Variants in THADA observed in about 807,000 individuals in gnomAD.
THADA encodes the protein THADA armadillo repeat containing, also known as tRNA (32-2'-O)-methyltransferase regulator THADA.
Under a neutral mutation model 219.8 loss-of-function variants are expected in THADA, and 213 were observed. The observed-to-expected ratio is 0.97, with a 90% CI of 0.87 to 1.09. The LOEUF (loss-of-function observed/expected upper bound fraction) is 1.09, where lower values mean the gene tolerates loss of function less well. THADA is among the 50% of genes least tolerant of loss of function. THADA has a pLI of 0.00. For synonymous variants in THADA, 1,018 were observed against 828.9 expected, an observed-to-expected ratio of 1.23 and a Z score of -3.92; for missense variants, 2,956 against 2,311.3, an observed-to-expected ratio of 1.28 and a Z score of -5.72.
At chr2:43,543,230 T>C (rs1407160169) in intron 20 of THADA, among the ~76,000 whole-genome samples, 48 of 138,002 alleles carry the variant, frequency 3.5e-4, no homozygotes, top group African/African-American at 1.3e-3. Flanking sequence ...CTGCATAGTA[T>C]TCCATGGTGT....
chr2:43,498,973 A>C lies in THADA; in HGVS notation c.3622-18T>G. 6.4e-7 allele frequency: 1 copy of C among 1,553,088 alleles called. No individual in the cohort carries two copies. The highest frequency in any genetic ancestry group is 8.7e-7 in the Non-Finnish European group (1 of 1,147,692). On this transcript the variant is annotated intron_variant, in intron 24 of 37. Transcript: ENST00000405975. ...GCATGAACCTAAAACAAGAAGTTCA[A>C]AATTAGTTGTGGGTTGAAAACCATG...
In THADA at chr2:43,577,127, C is replaced by T. The variant is rs746894384; in HGVS notation, c.932G>A (p.Cys311Tyr). 5.0e-6 allele frequency: 8 copies of T among 1,612,728 alleles called. No individual in the cohort carries two copies. The highest frequency in any genetic ancestry group is 6.8e-6 in the Non-Finnish European group (8 of 1,179,484). ...GTCCAACATGGCAAGTGTCCCCTGA[C>T]AGAGGAATAAGACAGCTGACTGAGA... ...DISQSAVLFL[C>Y]QGTLAMLDWQ... Residue 311 changes from cysteine to tyrosine, a missense_variant, in exon 10 of 38, where the codon TGT becomes TAT. Coordinates refer to ENST00000405975, the MANE Select transcript of THADA (RefSeq NM_022065.5).
At chr2:43,593,199 A>G in intron 1 of THADA, among the ~76,000 whole-genome samples, 1 of 152,254 alleles carries the variant, frequency 6.6e-6, no homozygotes, top group East Asian at 1.9e-4. Flanking sequence ...AAACAGGTCA[A>G]TAAACTGGAA....
At chr2:43,296,150 C>G (rs1432639425) in intron 31 of THADA, among the ~76,000 whole-genome samples, 1 of 151,988 alleles carries the variant, frequency 6.6e-6, no homozygotes, top group Non-Finnish European at 1.5e-5. Flanking sequence ...GAACTCCTGA[C>G]CTCGTGATCT....
At chr2:43,517,035 A>C (rs1691811509) in intron 22 of THADA, among the ~76,000 whole-genome samples, 1 of 152,146 alleles carries the variant, frequency 6.6e-6, no homozygotes, top group African/African-American at 2.4e-5. Context: ...TTCCCTGAAC[A>C]TCTACCATTG....
At chr2:43,579,750 C>T (rs763629769) in intron 8 of THADA, among the ~76,000 whole-genome samples, 3 of 152,162 alleles carry the variant, frequency 2.0e-5, no homozygotes, top group Non-Finnish European at 2.9e-5. Context: ...AAAGACACAT[C>T]TGGAGCTACA....
chr2:43,412,152 G>A (rs191342353), intron 28 of THADA, among the ~76,000 whole-genome samples: 1 of 152,052 alleles, frequency 6.6e-6, no homozygotes, highest in Non-Finnish European at 1.5e-5. Context: ...ATAAAAAGAA[G>A]AAAATTAAGT....
rs1321337888 is a variant in THADA, at chr2:43,556,543, G to T, written c.2476C>A (p.Leu826Met). ...AATGCTGCCTGAAATAAGCCTTGCA[G>T]TTTCCCCGAATCCTAGAATAAAGCG... ...TAVHFQDSGKLQGLFQAALEL... is the reference protein window; with the variant it reads ...TAVHFQDSGKMQGLFQAALEL... The change falls in exon 17 of 38, where the codon CTG becomes ATG. Residue 826 changes from leucine to methionine, a missense_variant. Coordinates refer to ENST00000405975, the MANE Select transcript of THADA (RefSeq NM_022065.5). 6.2e-7 allele frequency: 1 copy of T among 1,613,542 alleles called. No homozygotes were observed. The highest frequency in any genetic ancestry group is 1.1e-5 in the South Asian group (1 of 91,054).
chr2:43,529,102 T>C (rs1693544224), intron 21 of THADA, among the ~76,000 whole-genome samples: 1 of 152,096 alleles, frequency 6.6e-6, no homozygotes, highest in Non-Finnish European at 1.5e-5. Flanking sequence ...GTGGCTTTCC[T>C]ACATGCTGTC....
intron 20 of THADA, among the ~76,000 whole-genome samples, chr2:43,541,560 G>T (rs765383730): frequency 6.6e-6 from 1 of 151,900 alleles, no homozygotes; most frequent in Non-Finnish European, 1.5e-5. Context: ...CCAGGCTGGG[G>T]TGCAGTAGCA....
intron 21 of THADA, among the ~76,000 whole-genome samples, chr2:43,534,580 T>A (rs1230357614): frequency 4.6e-5 from 7 of 152,170 alleles, no homozygotes; most frequent in Non-Finnish European, 1.0e-4. Context: ...AATTTTCTGT[T>A]CCTGGCTTAT....
intron 22 of THADA, among the ~76,000 whole-genome samples, chr2:43,516,376 C>T (rs1020053671): frequency 8.5e-5 from 13 of 152,158 alleles, no homozygotes; most frequent in African/African-American, 2.9e-4. Flanking sequence ...TCATCTACAA[C>T]TCTTTCCTAT....
chr2:43,269,189 C>G (rs1282091568), intron 36 of THADA, among the ~76,000 whole-genome samples: 3 of 152,216 alleles, frequency 2.0e-5, no homozygotes, highest in Non-Finnish European at 4.4e-5. Flanking sequence ...CAACACCCTG[C>G]AGCCGCGTCA....
rs146760744 is a variant in THADA at position 43,570,104 on chromosome 2, T to C, written c.2187+284A>G. ...AGAGTTCAGTACTGTCAATTACCCT[T>C]CTGTTAAAAGTACTAAATTCATCTC... On this transcript the variant is annotated intron_variant, in intron 14 of 37. Coordinates refer to ENST00000405975, the MANE Select transcript of THADA (RefSeq NM_022065.5). Among the ~76,000 whole-genome samples, 120 of 152,306 alleles carry C rather than the reference T, an allele frequency of 7.9e-4. 3 individuals are homozygous for C. The East Asian group carries it at 0.021, about 27-fold the overall frequency.
chr2:43,411,429 C>T (rs1030382282), intron 28 of THADA, among the ~76,000 whole-genome samples: 4 of 152,210 alleles, frequency 2.6e-5, no homozygotes, highest in African/African-American at 9.6e-5. Context: ...CTTTAATAAA[C>T]TCACCTGCTG....
intron 35 of THADA, among the ~76,000 whole-genome samples, chr2:43,281,098 C>T (rs1445931163): frequency 6.6e-6 from 1 of 152,184 alleles, no homozygotes; most frequent in Non-Finnish European, 1.5e-5. Context: ...GGAGAAACTA[C>T]CCTTCCCTAA....
intron 30 of THADA, among the ~76,000 whole-genome samples, chr2:43,323,543 A>G (rs1678994223): frequency 6.6e-6 from 1 of 152,234 alleles, no homozygotes; most frequent in Admixed American, 6.5e-5. Flanking sequence ...CTAAAGCAAG[A>G]GCCATTCAGG....
chr2:43,242,156 G>T (rs1252498978), intron 36 of THADA, among the ~76,000 whole-genome samples: 2 of 152,220 alleles, frequency 1.3e-5, no homozygotes, highest in Non-Finnish European at 2.9e-5. Flanking sequence ...GATGCTGAGG[G>T]GGGCACTTCA....
At chr2:43,461,668 T>G (rs1683658159) in intron 26 of THADA, among the ~76,000 whole-genome samples, 1 of 152,180 alleles carries the variant, frequency 6.6e-6, no homozygotes, top group Admixed American at 6.5e-5. Context: ...AACTCAGCAG[T>G]CCCATGGACC....
Sources: allele counts gnomAD v4.1 joint callset (sites outside exome capture counted in the v4.1 genomes callset), GRCh38; gene constraint gnomAD v4.1.1; transcripts MANE v1.5; gene names NCBI Gene and HGNC (gene_info 2026-07-23, HGNC 2026-07-21).